ZNF469: variants seen among roughly 807,000 people sequenced by gnomAD.
The protein encoded by ZNF469 is zinc finger protein 469.
ZNF469 carries 1 observed loss-of-function variant against 1.0 expected under a neutral mutation model. The observed-to-expected ratio is 1.00, with a 90% CI of 0.35 to 4.73. ZNF469 has a LOEUF of 4.73. Ranked by LOEUF, ZNF469 falls within the 30% of genes most tolerant of loss-of-function variation. ZNF469 has a pLI of 0.16. For missense variants in ZNF469, 6,100 were observed against 5,356.3 expected (o/e 1.14, Z -4.33); for synonymous variants, 2,703 against 2,363.4 (o/e 1.14, Z -4.17).
the ZNF469 span, among the ~76,000 whole-genome samples, chr16:88,170,919 G>T: frequency 6.6e-6 from 1 of 152,290 alleles, no homozygotes; most frequent in South Asian, 2.1e-4. This position sits in a 1 kb window ranked among gnomAD's most constrained non-coding sequence, Gnocchi z 4.2. Context: ...ACCAGGGGTA[G>T]CGGGGGACAG....
chr16:88,318,512 C>G, the ZNF469 span, among the ~76,000 whole-genome samples: 1 of 152,260 alleles, frequency 6.6e-6, no homozygotes, highest in African/African-American at 2.4e-5. Flanking sequence ...CCCCCCAGCC[C>G]TTTAGCAAGT....
At chr16:88,200,819 C>T in the ZNF469 span, among the ~76,000 whole-genome samples, 13 of 152,262 alleles carry the variant, frequency 8.5e-5, no homozygotes, top group Non-Finnish European at 1.5e-4. Context: ...TGAGCAGCCA[C>T]AGCTCCTCTG....
At chr16:88,135,746 A>AGGTTTTAT in the ZNF469 span, among the ~76,000 whole-genome samples, 1 of 6,506 alleles carries the variant, frequency 1.5e-4, no homozygotes, top group African/African-American at 1.8e-4. Flanking sequence ...GAAGCTGGCC[A>AGGTTTTAT]TGTTTTTTTT....
At chr16:88,198,771 A>G in the ZNF469 span, among the ~76,000 whole-genome samples, 34,593 of 152,128 alleles carry the variant, frequency 0.23, 4,522 homozygotes, top group East Asian at 0.35. Context: ...GACAGAGCTC[A>G]CAACCTCACC....
chr16:88,148,209 TGCCCCTCTGAGGG>T, the ZNF469 span, among the ~76,000 whole-genome samples: 7 of 152,158 alleles, frequency 4.6e-5, no homozygotes, highest in Non-Finnish European at 8.8e-5. Flanking sequence ...CTCACCAACT[TGCCCCTCTGAGGG>T]GCAGAGGCGT....
At chr16:88,110,201 C>G in the ZNF469 span, among the ~76,000 whole-genome samples, 1 of 152,186 alleles carries the variant, frequency 6.6e-6, no homozygotes. Flanking sequence ...GCCGCCCCAC[C>G]CCAGTACCCG....
chr16:88,222,594 C>A, the ZNF469 span, among the ~76,000 whole-genome samples: 2 of 152,114 alleles, frequency 1.3e-5, no homozygotes, highest in East Asian at 1.9e-4. Context: ...CCCATCTCTA[C>A]TAAAAATACA....
the ZNF469 span, among the ~76,000 whole-genome samples, chr16:88,249,733 G>C: frequency 6.6e-6 from 1 of 152,200 alleles, no homozygotes; most frequent in South Asian, 2.1e-4. Flanking sequence ...ACCACGCCCG[G>C]CCAATTTTTT....
At chr16:88,154,863 G>C in the ZNF469 span, among the ~76,000 whole-genome samples, 1 of 152,144 alleles carries the variant, frequency 6.6e-6, no homozygotes, top group African/African-American at 2.4e-5. Flanking sequence ...TCCAGATCAT[G>C]GGCTTTTTTC....
the ZNF469 span, among the ~76,000 whole-genome samples, chr16:88,204,586 G>A: frequency 3.9e-3 from 593 of 152,362 alleles, 3 homozygotes; most frequent in South Asian, 9.7e-3. Context: ...TCCGACAGGA[G>A]GAAGAGATAC....
the ZNF469 span, among the ~76,000 whole-genome samples, chr16:88,226,183 C>G: frequency 7.2e-5 from 11 of 152,108 alleles, no homozygotes; most frequent in Non-Finnish European, 1.5e-4. Flanking sequence ...AGTCCTGAGT[C>G]TTTTTGGACA....
the ZNF469 span, among the ~76,000 whole-genome samples, chr16:88,130,239 G>A: frequency 1.3e-5 from 2 of 152,158 alleles, no homozygotes; most frequent in Non-Finnish European, 2.9e-5. Context: ...CAAAAGCCGG[G>A]GTCGAGGCCA....
At chr16:88,185,529 A>G in the ZNF469 span, among the ~76,000 whole-genome samples, 2 of 149,808 alleles carry the variant, frequency 1.3e-5, no homozygotes, top group Admixed American at 6.6e-5. Flanking sequence ...ACATGTGACC[A>G]GACCCACACC....
the ZNF469 span, among the ~76,000 whole-genome samples, chr16:88,295,949 G>C: frequency 1.3e-5 from 2 of 152,210 alleles, no homozygotes; most frequent in Non-Finnish European, 2.9e-5. Flanking sequence ...TGAGATGTTT[G>C]ACTGTCAATA....
chr16:88,248,622 TG>T, the ZNF469 span, among the ~76,000 whole-genome samples: 1 of 152,218 alleles, frequency 6.6e-6, no homozygotes, highest in Non-Finnish European at 1.5e-5. Context: ...GAGAGGAAGA[TG>T]GGCTAGTTAT....
At chr16:88,324,211 G>A in the ZNF469 span, among the ~76,000 whole-genome samples, 1 of 152,248 alleles carries the variant, frequency 6.6e-6, no homozygotes, top group Non-Finnish European at 1.5e-5. Context: ...AGGAAGTAGA[G>A]GCTGTCAGTT....
chr16:88,292,392 A>G, the ZNF469 span, among the ~76,000 whole-genome samples: 1 of 152,112 alleles, frequency 6.6e-6, no homozygotes, highest in African/African-American at 2.4e-5. Flanking sequence ...GTAAACTCGG[A>G]CCAGTAATTT....
Position 88,404,020 on chromosome 16 carries a change from G to A in ZNF469, c.-192+20766G>A, listed in dbSNP as rs1227490072. On this transcript the variant is annotated intron_variant, in intron 1 of 2. Coordinates refer to ENST00000565624, the MANE Select transcript of ZNF469 (RefSeq NM_001367624.2). Reference sequence around the variant, plus strand: ...ACAGTGCAAACACAGCCTCTGTGCCGCCAGGGGGCCCAAAGCCCCCCGACT... The same window carrying A: ...ACAGTGCAAACACAGCCTCTGTGCCACCAGGGGGCCCAAAGCCCCCCGACT... 2.6e-5 allele frequency among the ~76,000 whole-genome samples: 4 copies of A among 152,226 alleles called. No individual in the cohort carries two copies. In the South Asian group the frequency reaches 6.2e-4, roughly 24 times the overall value.
chr16:88,432,942 T>C lies in ZNF469; in HGVS notation c.5472T>C (p.Gly1824=). The C allele has an allele frequency of 1.9e-6, 3 of 1,550,382 alleles. No homozygotes were observed. Among genetic ancestry groups the C allele is most frequent in the Non-Finnish European group, 2.6e-6 (3 of 1,146,982 alleles). Residue 1824 remains glycine, a synonymous_variant, in exon 3 of 3, where the codon GGT becomes GGC. Transcript: ENST00000565624. Reference sequence around the variant, plus strand: ...CTCTGGATGCCACCTGGCCTTTTGGTGCCAGTCCCAGCCATGCTGCCCAGG... The same window carrying C: ...CTCTGGATGCCACCTGGCCTTTTGGCGCCAGTCCCAGCCATGCTGCCCAGG... ...APPLDATWPF[G]ASPSHAAQGH... is the part of the protein sequence containing the mutation.
Sources: gnomAD v4.1 joint callset for allele counts (sites outside exome capture counted in the v4.1 genomes callset) on GRCh38, gnomAD v4.1.1 for gene constraint, Gnocchi (gnomAD v3.1) non-coding constraint, MANE v1.5 for transcripts, NCBI Gene and HGNC (gene_info 2026-07-23, HGNC 2026-07-21) for gene names.